CACNA1G: variants seen among roughly 807,000 people sequenced by gnomAD.
CACNA1G encodes calcium voltage-gated channel subunit alpha1 G, also known as voltage-dependent T-type calcium channel subunit alpha-1G.
In CACNA1G, 67 loss-of-function variants were observed where a neutral mutation model predicts 219.4. That is an observed-to-expected ratio of 0.31 (90% confidence interval 0.25 to 0.37). The LOEUF is 0.37. Among genes scored for constraint, CACNA1G ranks in the 10% least tolerant of loss-of-function variants. The pLI is 1.00. For synonymous variants in CACNA1G, 1,296 were observed against 1,345.3 expected (o/e 0.96, Z 0.80); for missense variants, 2,380 against 3,231.4 (o/e 0.74, Z 6.39).
chr17:50,623,950 C>G lies in CACNA1G; in HGVS notation c.6104C>G (p.Thr2035Ser). The G allele has an allele frequency of 6.2e-7, 1 of 1,613,320 alleles. No individual in the cohort carries two copies. The highest frequency in any genetic ancestry group is 1.7e-4 in the Middle Eastern group (1 of 6,058). The part of the protein sequence containing the change: ...PTELPGPDLL[T>S]VRKSGVSRTH... ...GAGCTGCCAGGACCAGACTTACTGACTGTGCGGAAGTCTGGGGTCAGCCGA... is the reference window on the plus strand; with the variant it reads ...GAGCTGCCAGGACCAGACTTACTGAGTGTGCGGAAGTCTGGGGTCAGCCGA... Residue 2035 changes from threonine to serine, a missense_variant, in exon 36 of 38, where the codon ACT becomes AGT. By Grantham distance (58) the Thr-to-Ser change is moderately conservative (BLOSUM62 1). This residue lies in a region of CACNA1G where 672 missense variants were observed against 670.5 expected (regional missense o/e 1.00). Coordinates refer to ENST00000359106, the MANE Select transcript of CACNA1G (RefSeq NM_018896.5).
intron 24 of CACNA1G, 162 bp downstream of exon 24, chr17:50,607,151 T>C (rs1450621667): frequency 2.9e-6 from 2 of 697,166 alleles, no homozygotes; most frequent in Non-Finnish European, 5.3e-6. Context: ...AATCTGGGCA[T>C]GTTTTATTGG....
rs945698257 is a variant in CACNA1G at position 50,617,959 on chromosome 17, G to C, written c.5226+30G>C. On this transcript the variant is annotated intron_variant, in intron 30 of 37. Transcript: ENST00000359106. The surrounding 1 kb of genome is among the most constrained non-coding windows in gnomAD (Gnocchi z 5.8). ...CCGGGAGGTGGGGGGCCTCTGGGGAGGGGGAGGTGCTTTCCAGAGGGAAGG... is the reference window on the plus strand; with the variant it reads ...CCGGGAGGTGGGGGGCCTCTGGGGACGGGGAGGTGCTTTCCAGAGGGAAGG... The C allele has an allele frequency of 9.9e-6, 16 of 1,612,956 alleles. No individual in the cohort carries two copies. The highest frequency in any genetic ancestry group is 4.0e-5 in the African/African-American group (3 of 74,934).
chr17:50,572,058 A>G, intron 5 of CACNA1G, 21 bp downstream of exon 5: 1 of 1,609,366 alleles, frequency 6.2e-7, no homozygotes, highest in Non-Finnish European at 8.5e-7. Context: ...GACAGGGTCC[A>G]GGGAGGACCT....
Position 50,618,966 on chromosome 17 carries a change from C to T in CACNA1G, c.5739C>T (p.Ala1913=). 1 of 1,558,398 alleles carries T rather than the reference C, an allele frequency of 6.4e-7. No homozygotes were observed. Among genetic ancestry groups the T allele is most frequent in the Non-Finnish European group, 8.7e-7 (1 of 1,152,134 alleles). ...AGCCTGGGGCTCTGCACCCAGCGGCCCACGCGAGATCAGCCTCCCACTTTT... is the reference window on the plus strand; with the variant it reads ...AGCCTGGGGCTCTGCACCCAGCGGCTCACGCGAGATCAGCCTCCCACTTTT... ...SPKPGALHPA[A]HARSASHFSL... The change falls in exon 33 of 38, where the codon GCC becomes GCT. Residue 1913 remains alanine, a synonymous_variant. Transcript: ENST00000359106. This position sits in a 1 kb window ranked among gnomAD's most constrained non-coding sequence, Gnocchi z 5.3.
intron 1 of CACNA1G, among the ~76,000 whole-genome samples, chr17:50,564,162 G>GTGTGTGTGTGTGTT (rs1373433516): frequency 7.0e-6 from 1 of 142,160 alleles, no homozygotes; most frequent in African/African-American, 2.5e-5. Context: ...GTGTGTGTGT[G>GTGTGTGTGTGTGTT]TTGCAAGGGA....
chr17:50,609,452 G>A (rs1436933430), intron 25 of CACNA1G, among the ~76,000 whole-genome samples: 4 of 152,110 alleles, frequency 2.6e-5, no homozygotes, highest in Admixed American at 6.5e-5. Flanking sequence ...GTCCCCTGTG[G>A]CCACCGTCCC....
Position 50,621,931 on chromosome 17 carries a change from G to C in CACNA1G, c.6060+137G>C, listed in dbSNP as rs944959734. ...CAGGCTCCACCCAGAGGCATCAACT[G>C]TCAGGACCTCGGTGGCCCACGCTTT... On this transcript the variant is annotated intron_variant, in intron 35 of 37. Coordinates refer to ENST00000359106, the MANE Select transcript of CACNA1G (RefSeq NM_018896.5). This position sits in a 1 kb window ranked among gnomAD's most constrained non-coding sequence, Gnocchi z 4.6. 4.0e-5 allele frequency: 36 copies of C among 900,078 alleles called. No homozygotes were observed. The highest frequency in any genetic ancestry group is 3.3e-4 in the Middle Eastern group (1 of 2,988). 55.8% of individuals were successfully genotyped at this position (900,078 alleles called of 1,614,324 possible). A position where few individuals can be genotyped will look rare whatever the true frequency, so the allele number is the denominator to read the frequency against.
rs1316079321 is a variant in CACNA1G, at chr17:50,624,427, A to G, written c.6297A>G (p.Ala2099=). The G allele has an allele frequency of 6.3e-6, 10 of 1,596,424 alleles. No homozygotes were observed. Among genetic ancestry groups the G allele is most frequent in the African/African-American group, 1.4e-5 (1 of 73,206 alleles). ...TSYILQLPKD[A]PHLLQPHSAP... ...ACATCCTGCAGCTTCCCAAAGATGCACCTCATCTGCTCCAGCCCCACAGCG... is the reference window on the plus strand; with the variant it reads ...ACATCCTGCAGCTTCCCAAAGATGCGCCTCATCTGCTCCAGCCCCACAGCG... The change falls in exon 37 of 38, where the codon GCA becomes GCG. Residue 2099 remains alanine, a synonymous_variant. Coordinates refer to ENST00000359106, the MANE Select transcript of CACNA1G (RefSeq NM_018896.5).
chr17:50,626,142 C>A lies in CACNA1G; in HGVS notation c.6525C>A (p.Thr2175=), dbSNP rs984837241. The A allele has an allele frequency of 3.7e-6, 6 of 1,613,676 alleles. No individual in the cohort carries two copies. Among genetic ancestry groups the A allele is most frequent in the Non-Finnish European group, 4.2e-6 (5 of 1,179,846 alleles). The part of the protein sequence containing the change: ...RAYSFWGQSS[T]QAQQHSRSHS... ...ACTCTTTCTGGGGCCAGTCAAGTACCCAGGCACAGCAGCACTCCCGCAGCC... is the reference window on the plus strand; with the variant it reads ...ACTCTTTCTGGGGCCAGTCAAGTACACAGGCACAGCAGCACTCCCGCAGCC... The change falls in exon 38 of 38, where the codon ACC becomes ACA. Residue 2175 remains threonine (T), a synonymous_variant. Transcript: ENST00000359106. The surrounding 1 kb of genome is among the most constrained non-coding windows in gnomAD (Gnocchi z 4.3).
intron 7 of CACNA1G, among the ~76,000 whole-genome samples, chr17:50,573,830 C>T (rs2040001133): frequency 1.3e-5 from 2 of 152,302 alleles, no homozygotes; most frequent in South Asian, 2.1e-4. Flanking sequence ...ACTTCATCGC[C>T]ACCACTTTGA....
chr17:50,618,334 C>G lies in CACNA1G; in HGVS notation c.5418C>G (p.Gly1806=). Residue 1806 remains glycine (G), a synonymous_variant, in exon 32 of 38, where the codon GGC becomes GGG. Coordinates refer to ENST00000359106, the MANE Select transcript of CACNA1G (RefSeq NM_018896.5). The surrounding 1 kb of genome is among the most constrained non-coding windows in gnomAD (Gnocchi z 5.3). ...FRVSTGDNWN[G]IMKDTLRDCD... Reference sequence around the variant, plus strand: ...TCTCCACAGGTGACAATTGGAATGGCATTATGAAGGTAAGGGCCCAGGGTT... The same window carrying G: ...TCTCCACAGGTGACAATTGGAATGGGATTATGAAGGTAAGGGCCCAGGGTT... 1.2e-6 allele frequency: 2 copies of G among 1,613,812 alleles called. No homozygotes were observed.
At chr17:50,567,020 A>G (rs769291649) in intron 1 of CACNA1G, among the ~76,000 whole-genome samples, 11 of 152,174 alleles carry the variant, frequency 7.2e-5, no homozygotes, top group Non-Finnish European at 1.3e-4. Flanking sequence ...GGGGACCTGC[A>G]TGGGGAAAGC....
chr17:50,569,015 T>TGTGTGTGTGTGG lies in CACNA1G; in HGVS notation c.354+34_354+35insGTGTGTGTGTGG, dbSNP rs58450142. The stretch of plus-strand genomic sequence containing the variant: ...GTGTGTGTGTGTGTGTGTGTGTGTG[T>TGTGTGTGTGTGG]TGTGTGTGTTGGGGGTTGGCCCCTC... On this transcript the variant is annotated intron_variant, in intron 2 of 37. Transcript: ENST00000359106. The TGTGTGTGTGTGG allele has an allele frequency of 1.7e-5, 21 of 1,228,134 alleles. 1 individual carries two copies. The highest frequency in any genetic ancestry group is 5.9e-5 in the Admixed American group (3 of 51,142). The allele number at this position is 1,228,134 out of a possible 1,614,324, so 76.1% of individuals were successfully genotyped here. A position where few individuals can be genotyped will look rare whatever the true frequency, so the allele number is the denominator to read the frequency against.
chr17:50,620,112 G>A (rs1034328738), intron 34 of CACNA1G, among the ~76,000 whole-genome samples: 1 of 151,682 alleles, frequency 6.6e-6, no homozygotes, highest in Admixed American at 6.6e-5. Context: ...GAATCTGGAA[G>A]AGAAAAGAGG....
chr17:50,622,002 G>T (rs1288234102), intron 35 of CACNA1G, among the ~76,000 whole-genome samples: 1 of 152,162 alleles, frequency 6.6e-6, no homozygotes, highest in Non-Finnish European at 1.5e-5. Context: ...AAAGAGATTA[G>T]ATAAGTTTAA....
chr17:50,602,191 T>C (rs1362751147), intron 19 of CACNA1G, among the ~76,000 whole-genome samples: 2 of 152,228 alleles, frequency 1.3e-5, no homozygotes, highest in African/African-American at 4.8e-5. Context: ...TCCAGCTCTG[T>C]CACTGTACCT....
At chr17:50,609,833 C>T (rs1390034921) in intron 25 of CACNA1G, 49 bp from the exon 26 acceptor site, 8 of 1,577,024 alleles carry the variant, frequency 5.1e-6, no homozygotes, top group African/African-American at 1.3e-5. Flanking sequence ...GGGCCCTGCC[C>T]AGCGCACCTG....
rs1213795710 is a variant in CACNA1G, at chr17:50,617,694, G to C, written c.5155+123G>C. 12 of 1,450,448 alleles carry C rather than the reference G, an allele frequency of 8.3e-6. No individual in the cohort carries two copies. The African/African-American group carries it at 1.1e-4, about 14-fold the overall frequency. The allele number at this position is 1,450,448 out of a possible 1,614,324, so 89.8% of individuals were successfully genotyped here. A position where few individuals can be genotyped will look rare whatever the true frequency, so the allele number is the denominator to read the frequency against. ...TGGGTTCCCATGGGTCTTTCTCCCA[G>C]CTTCTGCCAAGGGAGGCTGGAGACA... On this transcript the variant is annotated intron_variant, in intron 29 of 37. Coordinates refer to ENST00000359106, the MANE Select transcript of CACNA1G (RefSeq NM_018896.5). The surrounding 1 kb of genome is among the most constrained non-coding windows in gnomAD (Gnocchi z 5.8).
chr17:50,584,964 A>T (rs904857063), intron 9 of CACNA1G, among the ~76,000 whole-genome samples: 1 of 152,098 alleles, frequency 6.6e-6, no homozygotes, highest in Non-Finnish European at 1.5e-5. Flanking sequence ...GATACTCAGC[A>T]CTTCCAGAGC....
Sources: gnomAD v4.1 joint callset for allele counts (sites outside exome capture counted in the v4.1 genomes callset) on GRCh38, gnomAD v4.1.1 for gene constraint, gnomAD v4.1.1 regional missense constraint, Gnocchi (gnomAD v3.1) non-coding constraint, MANE v1.5 for transcripts, NCBI Gene and HGNC (gene_info 2026-07-23, HGNC 2026-07-21) for gene names.